The following CSMD3 variants were observed in gnomAD, a reference collection of about 807,000 sequenced individuals.
CSMD3 encodes CUB and sushi domain-containing protein 3.
CSMD3 carries 177 observed loss-of-function variants against 435.2 expected under a neutral mutation model. The ratio of observed to expected loss-of-function variants is 0.41; its 90% confidence interval spans 0.36 to 0.46. CSMD3 has a LOEUF of 0.46. Among genes scored for constraint, CSMD3 ranks in the 20% least tolerant of loss-of-function variants. The pLI, the probability that CSMD3 is intolerant of heterozygous loss-of-function variation, is 0.34. For missense variants in CSMD3, 4,265 were observed against 4,504.6 expected (o/e 0.95, Z 1.52); for synonymous variants, 1,656 against 1,520.5 (o/e 1.09, Z -2.07).
At chr8:112,517,572 A>T (rs1435030635) in intron 27 of CSMD3, among the ~76,000 whole-genome samples, 1 of 152,146 alleles carries the variant, frequency 6.6e-6, no homozygotes, top group African/African-American at 2.4e-5. Context: ...AAACTCAAAA[A>T]AAAAGGAAGA....
chr8:112,966,639 G>A (rs1407639520), intron 7 of CSMD3, among the ~76,000 whole-genome samples: 1 of 151,606 alleles, frequency 6.6e-6, no homozygotes, highest in Non-Finnish European at 1.5e-5. Context: ...AGAATTTTGA[G>A]TAAAATTTAA....
At chr8:112,444,168 C>T (rs1463057336) in intron 32 of CSMD3, among the ~76,000 whole-genome samples, 1 of 152,132 alleles carries the variant, frequency 6.6e-6, no homozygotes, top group Admixed American at 6.5e-5. Flanking sequence ...GGACAGGTAA[C>T]ATCTGGTTTA....
intron 12 of CSMD3, among the ~76,000 whole-genome samples, chr8:112,811,289 T>G (rs1449305813): frequency 1.3e-5 from 2 of 152,004 alleles, no homozygotes; most frequent in Non-Finnish European, 2.9e-5. Context: ...TTCTTGAAAT[T>G]ATAAAGGTAA....
chr8:112,581,568 C>A (rs981865278), intron 23 of CSMD3, among the ~76,000 whole-genome samples: 2 of 151,976 alleles, frequency 1.3e-5, no homozygotes, highest in African/African-American at 4.8e-5. Flanking sequence ...AAATATGTTT[C>A]TCTTGCTTTA....
At chr8:112,591,927 C>T (rs144126976) in intron 22 of CSMD3, among the ~76,000 whole-genome samples, 29 of 151,972 alleles carry the variant, frequency 1.9e-4, no homozygotes, top group African/African-American at 6.5e-4. Context: ...TAAAAGGCAT[C>T]TTTATGTGTC....
chr8:112,277,774 G>A (rs1281234333), intron 59 of CSMD3, among the ~76,000 whole-genome samples: 1 of 152,110 alleles, frequency 6.6e-6, no homozygotes, highest in Non-Finnish European at 1.5e-5. Flanking sequence ...CATCTTACAT[G>A]GTGACAGTCA....
chr8:112,556,750 G>A lies in CSMD3; in HGVS notation c.4234+13C>T. ...ACAGAAATATTCAATGAAAATCTAT[G>A]ACAGTATCCTACCAATACAGGAAGG... is the stretch of plus-strand genomic sequence containing the variant. On this transcript the variant is annotated intron_variant, in intron 25 of 70. Coordinates refer to ENST00000297405, the MANE Select transcript of CSMD3 (RefSeq NM_198123.2). The A allele has an allele frequency of 6.3e-7, 1 of 1,588,998 alleles. No homozygotes were observed. The highest frequency in any genetic ancestry group is 8.6e-7 in the Non-Finnish European group (1 of 1,157,756).
intron 3 of CSMD3, among the ~76,000 whole-genome samples, chr8:113,207,443 G>A (rs1306606269): frequency 6.7e-6 from 1 of 149,874 alleles, no homozygotes; most frequent in South Asian, 2.1e-4. Flanking sequence ...GTGCAGCAGC[G>A]CGATCTCGGC....
intron 13 of CSMD3, among the ~76,000 whole-genome samples, chr8:112,708,109 T>C (rs2076536848): frequency 6.6e-6 from 1 of 152,122 alleles, no homozygotes; most frequent in South Asian, 2.1e-4. Flanking sequence ...GAGAAAAAGT[T>C]ATTTTCATGT....
chr8:112,842,206 A>C (rs2132535698), intron 11 of CSMD3, among the ~76,000 whole-genome samples: 1 of 151,930 alleles, frequency 6.6e-6, no homozygotes, highest in South Asian at 2.1e-4. Flanking sequence ...TAAGGTTGTC[A>C]TTAAGATAAC....
At chr8:112,318,214 T>C (rs1822657193) in intron 47 of CSMD3, among the ~76,000 whole-genome samples, 1 of 152,032 alleles carries the variant, frequency 6.6e-6, no homozygotes, top group Non-Finnish European at 1.5e-5. Flanking sequence ...CATTTGGAAT[T>C]GTGTTTCATG....
intron 2 of CSMD3, among the ~76,000 whole-genome samples, chr8:113,307,903 G>C (rs550989845): frequency 1.3e-5 from 2 of 152,216 alleles, no homozygotes; most frequent in Non-Finnish European, 2.9e-5. Flanking sequence ...GCTTAGAAAA[G>C]CTATTTGGCA....
chr8:113,350,565 C>T (rs1363408449), intron 1 of CSMD3, among the ~76,000 whole-genome samples: 2 of 151,960 alleles, frequency 1.3e-5, no homozygotes, highest in Admixed American at 6.6e-5. Flanking sequence ...TAAAATGATT[C>T]CCTTCTTTTC....
At chr8:112,970,888 A>G (rs1368145685) in intron 7 of CSMD3, among the ~76,000 whole-genome samples, 4 of 151,196 alleles carry the variant, frequency 2.6e-5, no homozygotes, top group African/African-American at 9.7e-5. Flanking sequence ...CGCCCAGCTA[A>G]TTTTTTGTAT....
At chr8:112,338,951 T>C (rs1485691674) in intron 42 of CSMD3, among the ~76,000 whole-genome samples, 1 of 152,074 alleles carries the variant, frequency 6.6e-6, no homozygotes, top group Non-Finnish European at 1.5e-5. Flanking sequence ...TAGGAGAAAG[T>C]TCCCATTCTA....
At chr8:112,739,216 AT>A (rs1293835036) in intron 13 of CSMD3, among the ~76,000 whole-genome samples, 2 of 151,748 alleles carry the variant, frequency 1.3e-5, no homozygotes, top group Non-Finnish European at 3.0e-5. Context: ...GAAATTCTAT[AT>A]TTATTTAAAT....
At chr8:113,160,402 C>T (rs1407650594) in intron 4 of CSMD3, among the ~76,000 whole-genome samples, 2 of 151,826 alleles carry the variant, frequency 1.3e-5, no homozygotes, top group African/African-American at 2.4e-5. Context: ...GAATTCAAAA[C>T]GTCTAACGTA....
intron 38 of CSMD3, among the ~76,000 whole-genome samples, chr8:112,372,616 G>A (rs536123698): frequency 2.6e-5 from 4 of 152,182 alleles, no homozygotes; most frequent in African/African-American, 9.6e-5. Flanking sequence ...TTGGGAGGCC[G>A]AGGAGGGCGG....
At chr8:112,383,498 T>A (rs1368908679) in intron 37 of CSMD3, 69 bp downstream of exon 37, 4 of 855,378 alleles carry the variant, frequency 4.7e-6, no homozygotes. Flanking sequence ...GAGTTGTAGA[T>A]AGCTCTTTAA....
Sources: gnomAD v4.1 joint callset for allele counts (sites outside exome capture counted in the v4.1 genomes callset) on GRCh38, gnomAD v4.1.1 for gene constraint, MANE v1.5 for transcripts, NCBI Gene and HGNC (gene_info 2026-07-23, HGNC 2026-07-21) for gene names.